SLC7A2: variants seen among roughly 807,000 people sequenced by gnomAD.
The protein encoded by SLC7A2 is solute carrier family 7 member 2.
In SLC7A2, 48 loss-of-function variants were observed where a neutral mutation model predicts 58.9. The observed-to-expected ratio is 0.82, with a 90% CI of 0.65 to 1.04. The LOEUF is 1.04. Ranked by LOEUF, SLC7A2 falls within the 50% of genes least tolerant of loss-of-function variation. SLC7A2 has a pLI of 0.00. For missense variants in SLC7A2, 1,029 were observed against 818.8 expected (o/e 1.26, Z -3.13); for synonymous variants, 363 against 314.5 (o/e 1.15, Z -1.63).
At chr8:17,498,677 T>C (rs1356197890) in intron 1 of SLC7A2, 1 of 152,228 alleles carries the variant, frequency 6.6e-6, no homozygotes, top group East Asian at 1.9e-4. Flanking sequence ...AATGGTCATT[T>C]ACCTTAAGGC....
In SLC7A2 at chr8:17,568,989, C is replaced by CT. The variant is rs1178482183; in HGVS notation, c.*3846dup. On this transcript the variant is annotated 3_prime_UTR_variant, in exon 13 of 13. Coordinates refer to ENST00000494857, the MANE Select transcript of SLC7A2 (RefSeq NM_001370338.1). ...AAAAAATAAAAATAAAAATAAAACA[C>CT]TTTAATTAGAATCTATTTTTACCTA... 1 of 152,060 alleles carries CT rather than the reference C, an allele frequency of 6.6e-6. No individual in the cohort carries two copies. Among genetic ancestry groups the CT allele is most frequent in the East Asian group, 1.9e-4 (1 of 5,172 alleles). 9.4% of individuals were successfully genotyped at this position (152,060 alleles called of 1,614,324 possible).
At chr8:17,538,413 A>T (rs2150728567) in intron 2 of SLC7A2, among the ~76,000 whole-genome samples, 1 of 152,314 alleles carries the variant, frequency 6.6e-6, no homozygotes, top group South Asian at 2.1e-4. Context: ...TTCCAGAAAG[A>T]TTCAGGCTTA....
At chr8:17,564,922 T>C (rs1390405498) in intron 12 of SLC7A2, 28 bp from the exon 13 acceptor site, 5 of 1,533,602 alleles carry the variant, frequency 3.3e-6, no homozygotes, top group African/African-American at 2.8e-5. Flanking sequence ...ACCTGAAACA[T>C]TGATTTTTTT....
At chr8:17,543,183 A>C in intron 2 of SLC7A2, 135 bp from the exon 3 acceptor site, 1 of 797,472 alleles carries the variant, frequency 1.3e-6, no homozygotes, top group Non-Finnish European at 1.9e-6. Flanking sequence ...CTCTTCTAAC[A>C]AGTGAAACAC....
At chr8:17,515,517 A>G (rs1259944383) in intron 2 of SLC7A2, among the ~76,000 whole-genome samples, 3 of 151,776 alleles carry the variant, frequency 2.0e-5, no homozygotes, top group Non-Finnish European at 4.4e-5. Flanking sequence ...GATGGTTTTG[A>G]TCTCCTGACC....
At chr8:17,514,276 C>T (rs35541477) in intron 2 of SLC7A2, among the ~76,000 whole-genome samples, 5,274 of 152,036 alleles carry the variant, frequency 0.035, 116 homozygotes, top group East Asian at 0.1. Context: ...AAAAAAAATA[C>T]AGTGTGTCCC....
chr8:17,512,934 G>A (rs970964076), intron 2 of SLC7A2, among the ~76,000 whole-genome samples: 4 of 152,204 alleles, frequency 2.6e-5, no homozygotes, highest in African/African-American at 9.6e-5. Context: ...TGATGTTCTC[G>A]AGGTTCATCC....
Position 17,565,721 on chromosome 8 carries a change from T to G in SLC7A2, c.*575T>G, listed in dbSNP as rs1803237281. 6.6e-6 allele frequency: 1 copy of G among 152,424 alleles called. No individual in the cohort carries two copies. Among genetic ancestry groups the G allele is most frequent in the Non-Finnish European group, 1.5e-5 (1 of 68,184 alleles). The allele number at this position is 152,424 out of a possible 1,614,324, so 9.4% of individuals were successfully genotyped here. A position where few individuals can be genotyped will look rare whatever the true frequency, so the allele number is the denominator to read the frequency against. On this transcript the variant is annotated 3_prime_UTR_variant, in exon 13 of 13. Transcript: ENST00000494857. ...AAGAGACTTTTCAATAAGTTGTGAA[T>G]GCCAACAGTGGGTTTAATGCAAATT...
upstream of SLC7A2, among the ~76,000 whole-genome samples, chr8:17,496,826 C>A (rs893344800): frequency 3.9e-5 from 6 of 152,110 alleles, no homozygotes; most frequent in Non-Finnish European, 8.8e-5. Flanking sequence ...AGTTTATCCT[C>A]GCGCGCAGCC....
intron 6 of SLC7A2, among the ~76,000 whole-genome samples, chr8:17,550,964 C>G (rs1802421328): frequency 1.3e-5 from 2 of 152,158 alleles, no homozygotes; most frequent in Admixed American, 1.3e-4. Flanking sequence ...AGTATTCAGT[C>G]TCATTAGTGT....
At chr8:17,515,751 C>T (rs1188910176) in intron 2 of SLC7A2, among the ~76,000 whole-genome samples, 1 of 152,118 alleles carries the variant, frequency 6.6e-6, no homozygotes, top group Non-Finnish European at 1.5e-5. Flanking sequence ...AAATAAAAAT[C>T]CTATCATTAA....
At chr8:17,506,398 C>T (rs879818889) in intron 2 of SLC7A2, among the ~76,000 whole-genome samples, 2 of 152,198 alleles carry the variant, frequency 1.3e-5, no homozygotes, top group Admixed American at 1.3e-4. Context: ...AATGGTGAGA[C>T]ACTGTTGTGG....
At chr8:17,564,796 G>A (rs963964780) in intron 12 of SLC7A2, among the ~76,000 whole-genome samples, 154 bp from the exon 13 acceptor site, 1 of 152,132 alleles carries the variant, frequency 6.6e-6, no homozygotes, top group African/African-American at 2.4e-5. Context: ...AACAATAGTG[G>A]TCTGTGGCCC....
In SLC7A2 at chr8:17,543,400, AC is replaced by A; in HGVS notation, c.64del (p.Leu22TrpfsTer4). ...ARCLIRRKIVTLDSLEDTKLC... is the reference protein window; with the variant it reads ...ARCLIRRKIVXLDSLEDTKLC... ...ATGTCTGATCCGGAGAAAAATCGTG[AC>A]CCTGGACAGTCTAGAAGACACCAAA... On this transcript the variant is annotated frameshift_variant, in exon 3 of 13. Transcript: ENST00000494857. LOFTEE classifies it high-confidence loss of function. 6.2e-7 allele frequency: 1 copy of A among 1,614,084 alleles called. No individual in the cohort carries two copies. Among genetic ancestry groups the A allele is most frequent in the Non-Finnish European group, 8.5e-7 (1 of 1,180,002 alleles).
chr8:17,543,415 G>C lies in SLC7A2; in HGVS notation c.76G>C (p.Glu26Gln). 9.9e-6 allele frequency: 16 copies of C among 1,614,174 alleles called. No individual in the cohort carries two copies. Among genetic ancestry groups the C allele is most frequent in the Non-Finnish European group, 1.3e-5 (15 of 1,180,032 alleles). The change falls in exon 3 of 13, where the codon GAA (glutamate) becomes CAA (glutamine). Residue 26 changes from glutamate to glutamine, a missense_variant. Transcript: ENST00000494857. ...AAAAATCGTGACCCTGGACAGTCTAGAAGACACCAAATTATGCCGCTGCTT... is the reference window on the plus strand; with the variant it reads ...AAAAATCGTGACCCTGGACAGTCTACAAGACACCAAATTATGCCGCTGCTT... ...RRKIVTLDSL[E>Q]DTKLCRCLST...
chr8:17,556,361 T>G (rs2150767539), intron 8 of SLC7A2, among the ~76,000 whole-genome samples: 1 of 152,340 alleles, frequency 6.6e-6, no homozygotes, highest in South Asian at 2.1e-4. Context: ...AGGAAGAATT[T>G]AATTTGGTGG....
chr8:17,502,091 A>G (rs1166569310), intron 1 of SLC7A2, among the ~76,000 whole-genome samples, 166 bp from the exon 2 acceptor site: 1 of 151,420 alleles, frequency 6.6e-6, no homozygotes, highest in Admixed American at 6.6e-5. Context: ...TATTCCCACC[A>G]TATGTATATA....
chr8:17,508,111 T>G (rs1800448620), intron 2 of SLC7A2, among the ~76,000 whole-genome samples: 2 of 151,974 alleles, frequency 1.3e-5, no homozygotes, highest in African/African-American at 4.8e-5. Context: ...AAAAAAGCTA[T>G]TTGAATTTTT....
At chr8:17,516,316 T>C (rs1800802675) in intron 2 of SLC7A2, among the ~76,000 whole-genome samples, 1 of 152,004 alleles carries the variant, frequency 6.6e-6, no homozygotes, top group Non-Finnish European at 1.5e-5. Flanking sequence ...ACCTCCGCCT[T>C]CCAGTCTCAA....
Sources: allele counts gnomAD v4.1 joint callset (sites outside exome capture counted in the v4.1 genomes callset), GRCh38; gene constraint gnomAD v4.1.1; transcripts MANE v1.5; gene names NCBI Gene and HGNC (gene_info 2026-07-23, HGNC 2026-07-21).